The following EPC2 variants were observed in gnomAD, a reference collection of about 807,000 sequenced individuals.
The protein encoded by EPC2 is enhancer of polycomb homolog 2.
In EPC2, 14 loss-of-function variants were observed where a neutral mutation model predicts 92.1. The ratio of observed to expected loss-of-function variants is 0.15; its 90% CI spans 0.10 to 0.24. The LOEUF (loss-of-function observed/expected upper bound fraction) is 0.24, where lower values mean the gene tolerates loss of function less well. EPC2 is among the 10% of genes least tolerant of loss of function. EPC2 has a pLI of 1.00. For missense variants in EPC2, 755 were observed against 971.5 expected (o/e 0.78, Z 2.96); for synonymous variants, 340 against 334.7 (o/e 1.02, Z -0.17).
intron 2 of EPC2, among the ~76,000 whole-genome samples, chr2:148,732,119 C>T (rs1458521471): frequency 6.6e-6 from 1 of 152,164 alleles, no homozygotes; most frequent in Non-Finnish European, 1.5e-5. Flanking sequence ...TTTTCCTCAC[C>T]AAGGGGAGCT....
At chr2:148,714,619 A>C (rs576342262) in intron 2 of EPC2, among the ~76,000 whole-genome samples, 1 of 152,106 alleles carries the variant, frequency 6.6e-6, no homozygotes, top group African/African-American at 2.4e-5. Flanking sequence ...CTGGTGTGAG[A>C]TGGTACCTCA....
At position 148,765,045 on chromosome 2, in the gene EPC2, A is replaced by G. The variant is rs748030510; in HGVS notation, c.1039A>G (p.Ile347Val). The change falls in exon 7 of 14, where the codon ATA becomes GTA. Residue 347 changes from isoleucine to valine, a missense_variant. Around this residue, in one of 4 missense-constraint regions of EPC2, gnomAD observed 509 missense variants for 607.7 expected, o/e 0.84. Coordinates refer to ENST00000258484, the MANE Select transcript of EPC2 (RefSeq NM_015630.4). ...AAAGAAGCCTAAAGCAGAGGCTTTG[A>G]TAACATCTCAGCAACCCACTCCTGA... ...YPKKPKAEALITSQQPTPETL... is the reference protein window; with the variant it reads ...YPKKPKAEALVTSQQPTPETL... The G allele has an allele frequency of 1.9e-6, 3 of 1,610,122 alleles. No individual in the cohort carries two copies. Among genetic ancestry groups the G allele is most frequent in the East Asian group, 2.2e-5 (1 of 44,686 alleles).
chr2:148,744,989 G>GCC (rs34269450), intron 3 of EPC2, among the ~76,000 whole-genome samples: 3,811 of 46,218 alleles, frequency 0.082, 450 homozygotes, highest in Non-Finnish European at 0.092. Context: ...CTATCAGTTT[G>GCC]CCCCCCCCCC....
intron 4 of EPC2, among the ~76,000 whole-genome samples, chr2:148,759,265 G>T (rs1683253504): frequency 6.6e-6 from 1 of 151,960 alleles, no homozygotes. Flanking sequence ...GCTAATTTTT[G>T]TATTTTTAGT....
chr2:148,737,990 G>T (rs1302090138), intron 2 of EPC2, among the ~76,000 whole-genome samples: 1 of 152,110 alleles, frequency 6.6e-6, no homozygotes, highest in Non-Finnish European at 1.5e-5. Context: ...CCTGCTTCCT[G>T]TTGTCTGTCC....
intron 2 of EPC2, among the ~76,000 whole-genome samples, chr2:148,732,254 C>T (rs1682646489): frequency 6.6e-6 from 1 of 152,248 alleles, no homozygotes. Flanking sequence ...AGAGGTGCAC[C>T]CGCGGTCTTG....
intron 2 of EPC2, among the ~76,000 whole-genome samples, chr2:148,706,893 C>G (rs1291351238): frequency 6.6e-6 from 1 of 152,222 alleles, no homozygotes; most frequent in Non-Finnish European, 1.5e-5. Flanking sequence ...ACTGCAAAAA[C>G]ATGCCAAATT....
chr2:148,704,095 C>T (rs544054725), intron 2 of EPC2, among the ~76,000 whole-genome samples: 5 of 152,196 alleles, frequency 3.3e-5, no homozygotes, highest in Admixed American at 2.6e-4. Flanking sequence ...TATTTGTGTA[C>T]CCATGTTCAT....
intron 2 of EPC2, among the ~76,000 whole-genome samples, chr2:148,733,410 A>G (rs944667715): frequency 6.9e-6 from 1 of 145,480 alleles, no homozygotes; most frequent in African/African-American, 2.6e-5. Flanking sequence ...ATTGATCTCT[A>G]TCACATATTC....
chr2:148,727,076 G>A (rs755154348), intron 2 of EPC2, among the ~76,000 whole-genome samples: 1 of 151,946 alleles, frequency 6.6e-6, no homozygotes, highest in African/African-American at 2.4e-5. Context: ...TTACATTTAG[G>A]TATTTAATCC....
intron 1 of EPC2, among the ~76,000 whole-genome samples, chr2:148,665,429 T>A (rs1681038022): frequency 6.6e-6 from 1 of 152,226 alleles, no homozygotes; most frequent in East Asian, 1.9e-4. Context: ...GATGTTAGTG[T>A]CACCTTTCTA....
In EPC2 at chr2:148,711,231, G is replaced by A. The variant is rs116632944; in HGVS notation, c.313+20858G>A. Among the ~76,000 whole-genome samples, 1,088 of 151,702 alleles carry A rather than the reference G, an allele frequency of 7.2e-3. 6 individuals carry two copies. Among genetic ancestry groups the A allele is most frequent in the African/African-American group, 0.025 (1,023 of 41,372 alleles). The stretch of plus-strand genomic sequence containing the variant: ...GTCAGTCCTATAAATTTTTCTCTAA[G>A]CACTGCTTTTCTCTGTCCCACAAAT... On this transcript the variant is annotated intron_variant, in intron 2 of 13. Transcript: ENST00000258484.
At chr2:148,753,565 A>G (rs1052183047) in intron 3 of EPC2, among the ~76,000 whole-genome samples, 6 of 152,206 alleles carry the variant, frequency 3.9e-5, no homozygotes, top group Non-Finnish European at 5.9e-5. Flanking sequence ...ATTAGACTTG[A>G]AAACTGATAG....
rs549513229 is a variant in EPC2, at chr2:148,769,711, A to G, written c.1230+471A>G. 5.9e-5 allele frequency among the ~76,000 whole-genome samples: 9 copies of G among 152,342 alleles called. No individual in the cohort carries two copies. The East Asian group carries it at 1.7e-3, about 29-fold the overall frequency. On this transcript the variant is annotated intron_variant, in intron 8 of 13. Transcript: ENST00000258484. ...AATGTTTTGTCTAATAATTGTATTC[A>G]TAACTTTTTGACACACCTAGAAGTT...
chr2:148,723,700 C>A (rs975523436), intron 2 of EPC2, among the ~76,000 whole-genome samples: 1 of 152,166 alleles, frequency 6.6e-6, no homozygotes, highest in Admixed American at 6.6e-5. Flanking sequence ...GTCTTACTTA[C>A]AATTTTGTTT....
At chr2:148,782,220 A>G (rs1286242339) in intron 11 of EPC2, among the ~76,000 whole-genome samples, 1 of 152,172 alleles carries the variant, frequency 6.6e-6, no homozygotes, top group Non-Finnish European at 1.5e-5. Context: ...ACCCCTTGCC[A>G]TTGTGAATCA....
chr2:148,734,271 T>C (rs1682707032), intron 2 of EPC2, among the ~76,000 whole-genome samples: 1 of 152,130 alleles, frequency 6.6e-6, no homozygotes, highest in Non-Finnish European at 1.5e-5. Context: ...AAAAGCACAT[T>C]GGGTACAAAT....
intron 2 of EPC2, among the ~76,000 whole-genome samples, chr2:148,709,145 A>C (rs1027135017): frequency 6.6e-6 from 1 of 152,238 alleles, no homozygotes; most frequent in Non-Finnish European, 1.5e-5. Flanking sequence ...ACTTCAGCAA[A>C]GTCTCAGGAT....
At chr2:148,660,763 A>G (rs1041768828) in intron 1 of EPC2, among the ~76,000 whole-genome samples, 2 of 152,048 alleles carry the variant, frequency 1.3e-5, no homozygotes, top group African/African-American at 2.4e-5. Context: ...TCATTTAAAA[A>G]AATAATCTTT....
Sources: allele counts gnomAD v4.1 joint callset (sites outside exome capture counted in the v4.1 genomes callset), GRCh38; gene constraint gnomAD v4.1.1; regional missense constraint gnomAD v4.1.1; transcripts MANE v1.5; gene names NCBI Gene and HGNC (gene_info 2026-07-23, HGNC 2026-07-21).